Variants in NDUFB3 observed in about 807,000 individuals in gnomAD.
The protein encoded by NDUFB3 is NADH:ubiquinone oxidoreductase subunit B3.
NDUFB3 carries 7 observed loss-of-function variants against 9.0 expected under a neutral mutation model. The observed-to-expected ratio is 0.78, with a 90% CI of 0.44 to 1.46. NDUFB3 has a LOEUF of 1.46. Ranked by LOEUF, NDUFB3 falls within the 40% of genes most tolerant of loss-of-function variation. The pLI, the probability that NDUFB3 is intolerant of heterozygous loss-of-function variation, is 0.01. For synonymous variants in NDUFB3, 29 were observed against 38.5 expected (o/e 0.75, Z 0.91); for missense variants, 93 against 115.4 (o/e 0.81, Z 0.89).
chr2:201,078,632 G>A (rs2047191359), intron 1 of NDUFB3, among the ~76,000 whole-genome samples: 1 of 152,070 alleles, frequency 6.6e-6, no homozygotes, highest in African/African-American at 2.4e-5. Context: ...ATAGTAAATG[G>A]TTATCTCTGA....
intron 1 of NDUFB3, among the ~76,000 whole-genome samples, chr2:201,075,835 T>G (rs1203324679): frequency 6.6e-6 from 1 of 152,216 alleles, no homozygotes; most frequent in East Asian, 1.9e-4. Flanking sequence ...TCAAAATTCT[T>G]GACCCTTTGT....
intron 2 of NDUFB3, among the ~76,000 whole-genome samples, chr2:201,079,625 T>C (rs920720365): frequency 2.0e-5 from 3 of 152,058 alleles, no homozygotes; most frequent in East Asian, 1.9e-4. Context: ...ATATTGTTAG[T>C]AGAGACAGGG....
At chr2:201,075,431 TG>T (rs897109762) in intron 1 of NDUFB3, among the ~76,000 whole-genome samples, 2 of 151,300 alleles carry the variant, frequency 1.3e-5, no homozygotes, top group East Asian at 1.9e-4. Context: ...CCAGGCGTGG[TG>T]GGGGGTTCCT....
chr2:201,074,546 T>C (rs2125530827), intron 1 of NDUFB3, among the ~76,000 whole-genome samples: 1 of 140,280 alleles, frequency 7.1e-6, no homozygotes, highest in Admixed American at 7.5e-5. Flanking sequence ...AACCTCCACC[T>C]CCTGGGTTCA....
At chr2:201,077,078 G>A (rs1373752085) in intron 1 of NDUFB3, among the ~76,000 whole-genome samples, 1 of 151,752 alleles carries the variant, frequency 6.6e-6, no homozygotes, top group Non-Finnish European at 1.5e-5. Context: ...CTCCAGCCTG[G>A]GCAAAAAGCA....
intron 1 of NDUFB3, among the ~76,000 whole-genome samples, chr2:201,075,456 C>T (rs2047154082): frequency 6.6e-6 from 1 of 150,410 alleles, no homozygotes. Flanking sequence ...GTCCCAGCTA[C>T]TCGGGAGGCT....
chr2:201,082,945 C>G (rs2047245702), intron 2 of NDUFB3, among the ~76,000 whole-genome samples: 1 of 151,200 alleles, frequency 6.6e-6, no homozygotes, highest in African/African-American at 2.4e-5. Flanking sequence ...GATCTCCTGA[C>G]CTCATGATCC....
At chr2:201,075,264 G>C (rs1298660321) in intron 1 of NDUFB3, among the ~76,000 whole-genome samples, 2 of 151,580 alleles carry the variant, frequency 1.3e-5, no homozygotes, top group African/African-American at 4.8e-5. Flanking sequence ...TTTTTGAAAA[G>C]TCATTTATAT....
intron 2 of NDUFB3, among the ~76,000 whole-genome samples, chr2:201,080,699 C>A (rs1575545345): frequency 1.0e-5 from 1 of 99,010 alleles, no homozygotes; most frequent in African/African-American, 4.5e-5. Flanking sequence ...AGATCTCCAA[C>A]TTTTTTTTTT....
At chr2:201,076,883 C>A (rs1187200418) in intron 1 of NDUFB3, among the ~76,000 whole-genome samples, 1 of 152,028 alleles carries the variant, frequency 6.6e-6, no homozygotes, top group African/African-American at 2.4e-5. Flanking sequence ...GGCAGATCAC[C>A]TGAGGTCAGG....
intron 1 of NDUFB3, among the ~76,000 whole-genome samples, chr2:201,078,159 G>A (rs1329646928): frequency 2.0e-5 from 3 of 152,018 alleles, no homozygotes; most frequent in South Asian, 4.1e-4. Context: ...AAAATTAGCC[G>A]GGCGTGGTGG....
intron 1 of NDUFB3, among the ~76,000 whole-genome samples, chr2:201,075,179 GAAAAAAA>G (rs752371143): frequency 1.1e-5 from 1 of 91,106 alleles, no homozygotes; most frequent in Admixed American, 1.2e-4. Flanking sequence ...GATCCTGTCT[GAAAAAAA>G]AAAAAAAAAG....
chr2:201,084,373 T>C (rs1295408503), intron 2 of NDUFB3, among the ~76,000 whole-genome samples: 1 of 151,646 alleles, frequency 6.6e-6, no homozygotes, highest in East Asian at 1.9e-4. Context: ...AGGCAGAGAA[T>C]TGCTTGAACC....
chr2:201,080,536 C>G (rs1012953249), intron 2 of NDUFB3, among the ~76,000 whole-genome samples: 2 of 151,938 alleles, frequency 1.3e-5, no homozygotes, highest in Non-Finnish European at 2.9e-5. Flanking sequence ...GGCCACTGCA[C>G]TCCAACCTGG....
intron 1 of NDUFB3, among the ~76,000 whole-genome samples, chr2:201,077,498 C>T (rs1575543432): frequency 1.3e-5 from 2 of 152,148 alleles, no homozygotes; most frequent in African/African-American, 4.8e-5. Flanking sequence ...TGGCCCAGTT[C>T]AGGGATCGGC....
intron 2 of NDUFB3, among the ~76,000 whole-genome samples, chr2:201,084,753 C>T (rs529007879): frequency 6.6e-6 from 1 of 152,148 alleles, no homozygotes; most frequent in African/African-American, 2.4e-5. Context: ...AATTAGCTCT[C>T]GTATTTCCTA....
At chr2:201,078,606 T>G (rs2047191080) in intron 1 of NDUFB3, among the ~76,000 whole-genome samples, 1 of 152,216 alleles carries the variant, frequency 6.6e-6, no homozygotes, top group African/African-American at 2.4e-5. Context: ...ATTATTATAA[T>G]GAAGAAAAGA....
At chr2:201,080,699 CTTT>C (rs58130221) in intron 2 of NDUFB3, among the ~76,000 whole-genome samples, 33 of 99,024 alleles carry the variant, frequency 3.3e-4, no homozygotes, top group African/African-American at 1.0e-3. Flanking sequence ...AGATCTCCAA[CTTT>C]TTTTTTTTTT....
Position 201,075,458 on chromosome 2 carries a change from C to T in NDUFB3, c.-3+3399C>T, listed in dbSNP as rs185625607. 4.1e-5 allele frequency among the ~76,000 whole-genome samples: 6 copies of T among 147,098 alleles called. No individual in the cohort carries two copies. In the East Asian group the frequency reaches 6.2e-4, roughly 15 times the overall value. On this transcript the variant is annotated intron_variant, in intron 1 of 2. Coordinates refer to ENST00000237889, the MANE Select transcript of NDUFB3 (RefSeq NM_002491.3). Reference sequence around the variant, plus strand: ...GGGGGTTCCTGTAGTCCCAGCTACTCGGGAGGCTGAGGCAGGAGAATTGCT... The same window carrying T: ...GGGGGTTCCTGTAGTCCCAGCTACTTGGGAGGCTGAGGCAGGAGAATTGCT...
Sources: gnomAD v4.1 joint callset for allele counts (sites outside exome capture counted in the v4.1 genomes callset) on GRCh38, gnomAD v4.1.1 for gene constraint, MANE v1.5 for transcripts, NCBI Gene and HGNC (gene_info 2026-07-23, HGNC 2026-07-21) for gene names.